Variants in TEX2 observed in about 807,000 individuals in gnomAD.
The protein encoded by TEX2 is testis-expressed protein 2.
TEX2 carries 53 observed loss-of-function variants against 106.9 expected under a neutral mutation model. The ratio of observed to expected loss-of-function variants is 0.50; its 90% confidence interval spans 0.40 to 0.62. The LOEUF (loss-of-function observed/expected upper bound fraction) is 0.62, where lower values mean the gene tolerates loss of function less well. Ranked by LOEUF, TEX2 falls within the 20% of genes least tolerant of loss-of-function variation. The pLI is 0.00. For missense variants in TEX2, 1,207 were observed against 1,379.0 expected, an observed-to-expected ratio of 0.88 and a Z score of 1.98; for synonymous variants, 523 against 534.8, an observed-to-expected ratio of 0.98 and a Z score of 0.30.
At chr17:64,210,328 G>GA (rs1367432646) in intron 2 of TEX2, among the ~76,000 whole-genome samples, 1 of 152,002 alleles carries the variant, frequency 6.6e-6, no homozygotes, top group Admixed American at 6.6e-5. Flanking sequence ...GTGAAAGAAA[G>GA]AAAAAAGGTC....
chr17:64,203,332 A>G (rs2032729502), intron 2 of TEX2, among the ~76,000 whole-genome samples: 1 of 152,258 alleles, frequency 6.6e-6, no homozygotes, highest in Admixed American at 6.5e-5. Flanking sequence ...TCATTGCTTC[A>G]TCAAGTGTAT....
At chr17:64,203,475 T>C (rs2032734300) in intron 2 of TEX2, among the ~76,000 whole-genome samples, 3 of 152,206 alleles carry the variant, frequency 2.0e-5, no homozygotes, top group Admixed American at 6.5e-5. Flanking sequence ...GGATTTTGTC[T>C]TTACCAAGCC....
In TEX2 at chr17:64,193,878, T is replaced by C. The variant is rs746273612; in HGVS notation, c.1857A>G (p.Val619=). 1.9e-6 allele frequency: 3 copies of C among 1,550,162 alleles called. No homozygotes were observed. Among genetic ancestry groups the C allele is most frequent in the Non-Finnish European group, 1.7e-6 (2 of 1,144,024 alleles). Residue 619 remains valine (V), a synonymous_variant, in exon 4 of 12, where the codon GTA becomes GTG. Coordinates refer to ENST00000584379, the MANE Select transcript of TEX2 (RefSeq NM_001288732.2). ...YDLSDSKIYL[V]PKTLARKRIW... Reference sequence around the variant, plus strand: ...TTCGCTTTCGAGCCAAAGTTTTAGGTACAAGATAAATCTACAGAGAAAGAA... The same window carrying C: ...TTCGCTTTCGAGCCAAAGTTTTAGGCACAAGATAAATCTACAGAGAAAGAA...
chr17:64,209,819 G>A (rs147329541), intron 2 of TEX2, among the ~76,000 whole-genome samples: 312 of 152,302 alleles, frequency 2.0e-3, no homozygotes, highest in Middle Eastern at 3.4e-3. Context: ...CCACTGCAGT[G>A]CTCAGCATCA....
chr17:64,243,976 C>A (rs1037605709), intron 1 of TEX2, among the ~76,000 whole-genome samples: 11 of 151,816 alleles, frequency 7.2e-5, no homozygotes, highest in Non-Finnish European at 1.5e-5. Flanking sequence ...GCTCAGCTAA[C>A]TTTTGTATTT....
At position 64,147,284 on chromosome 17, in the gene TEX2, A is replaced by G. The variant is rs2030084076; in HGVS notation, c.*1685T>C. ...TAATGGCACATAGTTTGAAGGATGT[A>G]GTGAGGATGGCTTTGTAGCCTTAGG... On this transcript the variant is annotated 3_prime_UTR_variant, in exon 12 of 12. Coordinates refer to ENST00000584379, the MANE Select transcript of TEX2 (RefSeq NM_001288732.2). 3 of 152,222 alleles carry G rather than the reference A, an allele frequency of 2.0e-5. No individual in the cohort carries two copies. Among genetic ancestry groups the G allele is most frequent in the Non-Finnish European group, 4.4e-5 (3 of 68,048 alleles). 9.4% of individuals were successfully genotyped at this position (152,222 alleles called of 1,614,324 possible). A position where few individuals can be genotyped will look rare whatever the true frequency, so the allele number is the denominator to read the frequency against.
At chr17:64,240,161 G>C (rs533113596) in intron 1 of TEX2, among the ~76,000 whole-genome samples, 3 of 152,056 alleles carry the variant, frequency 2.0e-5, no homozygotes, top group African/African-American at 7.2e-5. Flanking sequence ...TGCTATGGTA[G>C]GGTCATATGA....
Position 64,195,153 on chromosome 17 carries a change from T to TTCATCATTTCACAC in TEX2, c.1645-59_1645-58insGTGTGAAATGATGA. 2.7e-6 allele frequency: 4 copies of TTCATCATTTCACAC among 1,509,080 alleles called. No individual in the cohort carries two copies. The highest frequency in any genetic ancestry group is 3.7e-6 in the Non-Finnish European group (4 of 1,091,442). The allele number at this position is 1,509,080 out of a possible 1,614,324, so 93.5% of individuals were successfully genotyped here. On this transcript the variant is annotated intron_variant, in intron 2 of 11. Coordinates refer to ENST00000584379, the MANE Select transcript of TEX2 (RefSeq NM_001288732.2). This position sits in a 1 kb window ranked among gnomAD's most constrained non-coding sequence, Gnocchi z 4.1. ...GAATAATCGCAAATCTGATTTAGTG[T>TTCATCATTTCACAC]GAAATGATGAACACTGTGGTATTTG...
chr17:64,216,104 C>T (rs1013971865), intron 1 of TEX2, among the ~76,000 whole-genome samples: 2 of 152,172 alleles, frequency 1.3e-5, no homozygotes, highest in African/African-American at 2.4e-5. Context: ...GCTTTCCTAT[C>T]CTGAATCCAG....
Position 64,154,900 on chromosome 17 carries a change from C to T in TEX2, c.2872G>A (p.Glu958Lys), listed in dbSNP as rs770387819. The change falls in exon 9 of 12, where the codon GAA becomes AAA. Residue 958 changes from glutamate to lysine, a missense_variant. Physicochemically the swap from Glu to Lys is moderately conservative, Grantham distance 56 (BLOSUM62 1). Transcript: ENST00000584379. ...EESSSAGSSE[E>K]DDAPEPSGGD... Reference sequence around the variant, plus strand: ...CCGCTGGGCTCTGGGGCATCGTCTTCCTCGGAGGAGCCAGCGCTGGAGGAT... The same window carrying T: ...CCGCTGGGCTCTGGGGCATCGTCTTTCTCGGAGGAGCCAGCGCTGGAGGAT... 1.2e-6 allele frequency: 2 copies of T among 1,610,300 alleles called. No homozygotes were observed. Among genetic ancestry groups the T allele is most frequent in the Non-Finnish European group, 1.7e-6 (2 of 1,178,980 alleles).
intron 1 of TEX2, among the ~76,000 whole-genome samples, chr17:64,253,550 G>A (rs1488953467): frequency 1.3e-5 from 2 of 152,100 alleles, no homozygotes; most frequent in African/African-American, 4.8e-5. Flanking sequence ...GCAGGTCAGT[G>A]AGGGGCTGCT....
rs567673691 is a variant in TEX2 at position 64,260,969 on chromosome 17, G to A, written c.-26+2199C>T. On this transcript the variant is annotated intron_variant, in intron 1 of 11. Transcript: ENST00000584379. ...CATCAAAAGATACCAGTCAACAGAC[G>A]TGAGGATTAATATAATTTTATATTG... Among the ~76,000 whole-genome samples, 3 of 152,302 alleles carry A rather than the reference G, an allele frequency of 2.0e-5. No individual in the cohort carries two copies. In the South Asian group the frequency reaches 6.2e-4, roughly 32 times the overall value.
chr17:64,224,650 A>G lies in TEX2; in HGVS notation c.-25-10408T>C, dbSNP rs1295547416. Among the ~76,000 whole-genome samples the G allele has an allele frequency of 2.0e-5, 3 of 152,140 alleles. No individual in the cohort carries two copies. In the East Asian group the frequency reaches 5.8e-4, roughly 29 times the overall value. ...CTCTTCCGACCCAGCAGGGTCCTGC[A>G]CCACCACCAACACAGCACAGGGTTT... is the stretch of plus-strand genomic sequence containing the variant. On this transcript the variant is annotated intron_variant, in intron 1 of 11. Transcript: ENST00000584379.
chr17:64,236,438 G>A (rs1191971549), intron 1 of TEX2, among the ~76,000 whole-genome samples: 4 of 152,124 alleles, frequency 2.6e-5, no homozygotes, highest in Non-Finnish European at 5.9e-5. Flanking sequence ...GATGGCTCAC[G>A]CCTGTAGTCC....
At position 64,169,636 on chromosome 17, in the gene TEX2, G is replaced by A. The variant is rs552466513; in HGVS notation, c.2671+1464C>T. On this transcript the variant is annotated intron_variant, in intron 7 of 11. Transcript: ENST00000584379. Reference sequence around the variant, plus strand: ...GAAATATTGCTGGAGAGATATGCTAGAGCTGCTAACTATAGTGCTAGAAAA... The same window carrying A: ...GAAATATTGCTGGAGAGATATGCTAAAGCTGCTAACTATAGTGCTAGAAAA... 3.3e-5 allele frequency among the ~76,000 whole-genome samples: 5 copies of A among 152,334 alleles called. No individual in the cohort carries two copies. The South Asian group carries it at 1.0e-3, about 32-fold the overall frequency.
chr17:64,175,253 C>T (rs963303175), intron 6 of TEX2, among the ~76,000 whole-genome samples: 7 of 152,224 alleles, frequency 4.6e-5, no homozygotes, highest in Admixed American at 4.6e-4. Context: ...TCTGCAGGCA[C>T]TTCACAGTGC....
At chr17:64,175,677 A>G (rs1172134761) in intron 6 of TEX2, among the ~76,000 whole-genome samples, 3 of 152,176 alleles carry the variant, frequency 2.0e-5, no homozygotes, top group Non-Finnish European at 4.4e-5. Flanking sequence ...CCTGGGTTCA[A>G]GTCATCCTCT....
intron 7 of TEX2, among the ~76,000 whole-genome samples, chr17:64,165,645 T>C (rs2031099572): frequency 6.6e-6 from 1 of 152,112 alleles, no homozygotes; most frequent in African/African-American, 2.4e-5. Context: ...CTGGCTCCAG[T>C]TTTCTGTCAT....
chr17:64,152,903 A>G, intron 10 of TEX2, 42 bp downstream of exon 10: 1 of 1,586,774 alleles, frequency 6.3e-7, no homozygotes, highest in Non-Finnish European at 8.6e-7. Context: ...TGGCCATGCA[A>G]TAGGAGGAAT....
Sources: allele counts gnomAD v4.1 joint callset (sites outside exome capture counted in the v4.1 genomes callset), GRCh38; gene constraint gnomAD v4.1.1; non-coding constraint Gnocchi (gnomAD v3.1); transcripts MANE v1.5; gene names NCBI Gene and HGNC (gene_info 2026-07-23, HGNC 2026-07-21).